The following GRM1 variants were observed in gnomAD, a reference collection of about 807,000 sequenced individuals.
The protein encoded by GRM1 is metabotropic glutamate receptor 1.
In GRM1, 33 loss-of-function variants were observed where a neutral mutation model predicts 90.9. The observed-to-expected ratio is 0.36, with a 90% CI of 0.28 to 0.49. GRM1 has a LOEUF of 0.49. GRM1 is among the 20% of genes least tolerant of loss of function. GRM1 has a pLI of 0.99. For synonymous variants in GRM1, 700 were observed against 613.2 expected, an observed-to-expected ratio of 1.14 and a Z score of -2.09; for missense variants, 1,190 against 1,534.3, an observed-to-expected ratio of 0.78 and a Z score of 3.75.
intron 2 of GRM1, among the ~76,000 whole-genome samples, chr6:146,269,580 G>A (rs990564512): frequency 5.3e-5 from 8 of 152,198 alleles, no homozygotes; most frequent in Admixed American, 1.3e-4. Context: ...TAGGAACTGG[G>A]CTGCACAGCA....
At chr6:146,030,712 C>T (rs1366448483) in intron 1 of GRM1, among the ~76,000 whole-genome samples, 1 of 152,198 alleles carries the variant, frequency 6.6e-6, no homozygotes, top group Non-Finnish European at 1.5e-5. Context: ...CCCCTTCTTA[C>T]ATATCCAAAA....
chr6:146,085,377 A>G (rs1294482897), intron 1 of GRM1, among the ~76,000 whole-genome samples: 2 of 152,146 alleles, frequency 1.3e-5, no homozygotes, highest in African/African-American at 4.8e-5. Flanking sequence ...AGAAAAATGG[A>G]GAAAGAACTT....
chr6:146,395,480 A>G (rs1776893938), intron 6 of GRM1, among the ~76,000 whole-genome samples: 2 of 152,084 alleles, frequency 1.3e-5, no homozygotes, highest in African/African-American at 2.4e-5. Flanking sequence ...TCTTTTTTAA[A>G]TGTTACACCA....
intron 1 of GRM1, among the ~76,000 whole-genome samples, chr6:146,112,654 T>C (rs1775602249): frequency 6.6e-6 from 1 of 152,196 alleles, no homozygotes; most frequent in Non-Finnish European, 1.5e-5. Context: ...AGGAAGATTT[T>C]TATATTTTTC....
At chr6:146,361,118 A>T (rs1423533648) in intron 5 of GRM1, among the ~76,000 whole-genome samples, 1 of 152,210 alleles carries the variant, frequency 6.6e-6, no homozygotes, top group East Asian at 1.9e-4. Context: ...ACTTCTTCAG[A>T]TTCTGAAAGC....
intron 2 of GRM1, among the ~76,000 whole-genome samples, chr6:146,281,751 T>G (rs1782575980): frequency 6.6e-6 from 1 of 152,196 alleles, no homozygotes; most frequent in Admixed American, 6.5e-5. Context: ...CAAATTGTGG[T>G]GTTTTCTGTG....
At chr6:146,107,544 A>G (rs1775358620) in intron 1 of GRM1, among the ~76,000 whole-genome samples, 1 of 152,144 alleles carries the variant, frequency 6.6e-6, no homozygotes, top group Non-Finnish European at 1.5e-5. Flanking sequence ...TTCAAGCCCA[A>G]AATGGAACTG....
intron 1 of GRM1, among the ~76,000 whole-genome samples, chr6:146,081,187 G>A (rs55801340): frequency 0.048 from 7,347 of 152,198 alleles, 578 homozygotes; most frequent in African/African-American, 0.16. Flanking sequence ...GGTGTGGGTG[G>A]GAGAATGAAA....
intron 5 of GRM1, among the ~76,000 whole-genome samples, chr6:146,362,583 G>A (rs1382441574): frequency 1.3e-5 from 2 of 148,516 alleles, no homozygotes; most frequent in Non-Finnish European, 3.0e-5. Flanking sequence ...GGAGGCTGAG[G>A]CAGGAGAATG....
intron 1 of GRM1, among the ~76,000 whole-genome samples, chr6:146,068,365 G>A (rs1476742203): frequency 2.0e-5 from 3 of 152,146 alleles, no homozygotes; most frequent in Middle Eastern, 3.4e-3. Flanking sequence ...CGCCCACCTC[G>A]GCCTCCCACA....
chr6:146,340,822 G>A (rs1583351165), intron 3 of GRM1, among the ~76,000 whole-genome samples: 1 of 152,296 alleles, frequency 6.6e-6, no homozygotes, highest in East Asian at 1.9e-4. Context: ...GGGATTGCAG[G>A]CGTGAGCCAC....
intron 1 of GRM1, among the ~76,000 whole-genome samples, chr6:146,126,672 T>G (rs1431306374): frequency 6.6e-6 from 1 of 152,194 alleles, no homozygotes; most frequent in Non-Finnish European, 1.5e-5. Flanking sequence ...AGGAGAAAGA[T>G]TCTCCTGTGT....
chr6:146,108,127 A>T (rs1775397260), intron 1 of GRM1, among the ~76,000 whole-genome samples: 1 of 152,210 alleles, frequency 6.6e-6, no homozygotes, highest in Non-Finnish European at 1.5e-5. Flanking sequence ...GAAAATTGAG[A>T]GTCAGAGAAG....
intron 7 of GRM1, among the ~76,000 whole-genome samples, chr6:146,421,122 A>G (rs1161981865): frequency 6.6e-6 from 1 of 152,168 alleles, no homozygotes; most frequent in East Asian, 1.9e-4. Flanking sequence ...CAATTTGGTA[A>G]TATATAAGAA....
intron 2 of GRM1, among the ~76,000 whole-genome samples, chr6:146,267,702 G>GCTCGGCTCGTCTCGT (rs1781965440): frequency 2.0e-4 from 17 of 86,118 alleles, no homozygotes; most frequent in East Asian, 3.3e-4. Context: ...GCTCGGCTCG[G>GCTCGGCTCGTCTCGT]CTCGTCTCGT....
chr6:146,317,168 A>C (rs2114959415), intron 3 of GRM1, among the ~76,000 whole-genome samples: 1 of 152,344 alleles, frequency 6.6e-6, no homozygotes, highest in Middle Eastern at 3.4e-3. Flanking sequence ...TTTTAACAAA[A>C]GAATATGAGT....
At chr6:146,146,189 C>T (rs1282958415) in intron 1 of GRM1, among the ~76,000 whole-genome samples, 2 of 121,140 alleles carry the variant, frequency 1.7e-5, no homozygotes, top group Admixed American at 1.1e-4. Context: ...CCCGGGTTCA[C>T]GTCATTCTCC....
At chr6:146,396,858 T>C (rs1583439032) in intron 6 of GRM1, among the ~76,000 whole-genome samples, 1 of 152,186 alleles carries the variant, frequency 6.6e-6, no homozygotes, top group Admixed American at 6.5e-5. Flanking sequence ...ACTTAATATA[T>C]AAAGATACAG....
chr6:146,028,269 G>GTGTGTGTGTGTATA (rs1554258667), upstream of GRM1, among the ~76,000 whole-genome samples: 2 of 147,190 alleles, frequency 1.4e-5, no homozygotes, highest in African/African-American at 2.5e-5. Context: ...GTGTGTGTGT[G>GTGTGTGTGTGTATA]TGTGTGTGTA....
Sources: allele counts gnomAD v4.1 joint callset (sites outside exome capture counted in the v4.1 genomes callset), GRCh38; gene constraint gnomAD v4.1.1; transcripts MANE v1.5; gene names NCBI Gene and HGNC (gene_info 2026-07-23, HGNC 2026-07-21).